RCAN2: variants seen among roughly 807,000 people sequenced by gnomAD.
RCAN2 encodes calcipressin-2.
Under a neutral mutation model 23.6 loss-of-function variants are expected in RCAN2, and 9 were observed. The observed-to-expected ratio is 0.38, with a 90% CI of 0.23 to 0.67. The LOEUF (loss-of-function observed/expected upper bound fraction) is 0.67, where lower values mean the gene tolerates loss of function less well. Among genes scored for constraint, RCAN2 ranks in the 30% least tolerant of loss-of-function variants. The pLI, the probability that RCAN2 is intolerant of heterozygous loss-of-function variation, is 0.51. For missense variants in RCAN2, 273 were observed against 302.3 expected (o/e 0.90, Z 0.72); for synonymous variants, 109 against 115.7 (o/e 0.94, Z 0.37).
At chr6:46,480,555 G>T (rs908709696) in intron 1 of RCAN2, among the ~76,000 whole-genome samples, 14 of 152,048 alleles carry the variant, frequency 9.2e-5, no homozygotes, top group African/African-American at 3.4e-4. Context: ...TGTGGTACTA[G>T]GTCACATTCT....
At chr6:46,339,943 A>T (rs1764255270) in intron 2 of RCAN2, among the ~76,000 whole-genome samples, 1 of 152,190 alleles carries the variant, frequency 6.6e-6, no homozygotes, top group Non-Finnish European at 1.5e-5. Context: ...TTTCACATAC[A>T]TAATGTACAT....
At chr6:46,353,387 C>T (rs1764722001) in intron 2 of RCAN2, among the ~76,000 whole-genome samples, 1 of 152,080 alleles carries the variant, frequency 6.6e-6, no homozygotes, top group African/African-American at 2.4e-5. Context: ...CTTGAGATAC[C>T]AGTATCTAGA....
intron 2 of RCAN2, among the ~76,000 whole-genome samples, chr6:46,440,610 A>G (rs1767510158): frequency 6.6e-6 from 1 of 152,092 alleles, no homozygotes; most frequent in South Asian, 2.1e-4. Flanking sequence ...TATATTACAT[A>G]TATACATAAT....
intron 2 of RCAN2, among the ~76,000 whole-genome samples, chr6:46,396,349 A>G (rs760008922): frequency 4.6e-5 from 7 of 152,242 alleles, no homozygotes; most frequent in Non-Finnish European, 1.0e-4. Context: ...TGAAGGATCC[A>G]TAGCCTATTC....
At chr6:46,277,807 C>G (rs1272327862) in intron 2 of RCAN2, among the ~76,000 whole-genome samples, 1 of 152,006 alleles carries the variant, frequency 6.6e-6, no homozygotes, top group African/African-American at 2.4e-5. Flanking sequence ...TCTTCAGTAG[C>G]TACTCCTCCC....
chr6:46,429,555 GT>G (rs1181267321), intron 2 of RCAN2, among the ~76,000 whole-genome samples: 1 of 152,138 alleles, frequency 6.6e-6, no homozygotes, highest in Non-Finnish European at 1.5e-5. Flanking sequence ...AGAGAAATAG[GT>G]TCCATATGAA....
At chr6:46,455,793 C>A (rs1365375302) in intron 2 of RCAN2, among the ~76,000 whole-genome samples, 2 of 149,124 alleles carry the variant, frequency 1.3e-5, no homozygotes, top group African/African-American at 2.5e-5. Flanking sequence ...GGAGGTGGAG[C>A]TGGCAGTGAG....
At chr6:46,322,581 C>A (rs747735651) in intron 2 of RCAN2, among the ~76,000 whole-genome samples, 2 of 152,250 alleles carry the variant, frequency 1.3e-5, no homozygotes, top group African/African-American at 2.4e-5. Context: ...AACTCCCATA[C>A]TTATGAAGGA....
At chr6:46,316,769 G>T (rs914012781) in intron 2 of RCAN2, among the ~76,000 whole-genome samples, 1 of 152,188 alleles carries the variant, frequency 6.6e-6, no homozygotes, top group Non-Finnish European at 1.5e-5. Flanking sequence ...TATGTGTCCT[G>T]TTCTAGGAAA....
At chr6:46,276,285 T>A (rs1272582967) in intron 2 of RCAN2, among the ~76,000 whole-genome samples, 2 of 152,124 alleles carry the variant, frequency 1.3e-5, no homozygotes, top group Non-Finnish European at 2.9e-5. Context: ...TATTACATCA[T>A]GAGAGGTTTC....
chr6:46,306,468 C>G (rs1763071262), intron 2 of RCAN2, among the ~76,000 whole-genome samples: 1 of 152,136 alleles, frequency 6.6e-6, no homozygotes, highest in African/African-American at 2.4e-5. Flanking sequence ...GCATTCTACA[C>G]AGTTTCAAAG....
intron 4 of RCAN2, among the ~76,000 whole-genome samples, chr6:46,234,067 A>C (rs1352786543): frequency 6.6e-6 from 1 of 152,106 alleles, no homozygotes; most frequent in Non-Finnish European, 1.5e-5. Flanking sequence ...CCACTTTAGA[A>C]GTGGTTGCTT....
intron 2 of RCAN2, among the ~76,000 whole-genome samples, chr6:46,291,270 A>T (rs1164653735): frequency 2.3e-5 from 3 of 132,390 alleles, no homozygotes; most frequent in Admixed American, 7.8e-5. Flanking sequence ...TTAAATGTTA[A>T]TTCGCCAGTG....
At chr6:46,456,650 A>C in intron 2 of RCAN2, 102 bp downstream of exon 2, 2 of 861,244 alleles carry the variant, frequency 2.3e-6, no homozygotes, top group South Asian at 3.4e-5. Context: ...CCAACTAAAC[A>C]TTTCCAAAAA....
intron 4 of RCAN2, among the ~76,000 whole-genome samples, chr6:46,236,073 T>C (rs899839915): frequency 2.0e-5 from 3 of 152,234 alleles, no homozygotes; most frequent in Non-Finnish European, 4.4e-5. Flanking sequence ...TAGGGCGATA[T>C]TATTTTGGCC....
intron 2 of RCAN2, among the ~76,000 whole-genome samples, chr6:46,261,132 T>C (rs1340368149): frequency 3.9e-5 from 6 of 152,192 alleles, no homozygotes; most frequent in African/African-American, 1.2e-4. Flanking sequence ...TGATTAGATA[T>C]AGGCTCTAAT....
At chr6:46,396,826 T>A (rs1022265255) in intron 2 of RCAN2, among the ~76,000 whole-genome samples, 2 of 152,172 alleles carry the variant, frequency 1.3e-5, no homozygotes, top group African/African-American at 4.8e-5. Flanking sequence ...TAAATAGTAA[T>A]CTTGGCTGGG....
intron 2 of RCAN2, among the ~76,000 whole-genome samples, chr6:46,404,252 G>A (rs562302777): frequency 6.6e-6 from 1 of 152,072 alleles, no homozygotes; most frequent in African/African-American, 2.4e-5. Flanking sequence ...TTGGAAGAGG[G>A]AAATGAGTGC....
chr6:46,333,153 G>T (rs943326372), intron 2 of RCAN2, among the ~76,000 whole-genome samples: 4 of 151,968 alleles, frequency 2.6e-5, no homozygotes, highest in African/African-American at 7.3e-5. Flanking sequence ...TTTTGATGGG[G>T]TTGTTTTTTT....
Sources: gnomAD v4.1 joint callset for allele counts (sites outside exome capture counted in the v4.1 genomes callset) on GRCh38, gnomAD v4.1.1 for gene constraint, MANE v1.5 for transcripts, NCBI Gene and HGNC (gene_info 2026-07-23, HGNC 2026-07-21) for gene names.